PRR16: variants seen among roughly 807,000 people sequenced by gnomAD.
PRR16 encodes protein Largen.
PRR16 carries 6 observed loss-of-function variants against 18.2 expected under a neutral mutation model. That is an observed-to-expected ratio of 0.33 (90% CI 0.18 to 0.65). PRR16 has a LOEUF of 0.65. Ranked by LOEUF, PRR16 falls within the 30% of genes least tolerant of loss-of-function variation. The pLI, the probability that PRR16 is intolerant of heterozygous loss-of-function variation, is 0.74. For synonymous variants in PRR16, 151 were observed against 147.8 expected (o/e 1.02, Z -0.16); for missense variants, 412 against 376.6 (o/e 1.09, Z -0.78).
rs1437061231 is a variant in PRR16 at position 120,614,476 on chromosome 5, A to G, written c.160-71478A>G. Among the ~76,000 whole-genome samples the G allele has an allele frequency of 2.0e-5, 3 of 152,214 alleles. No individual in the cohort carries two copies. The East Asian group carries it at 5.8e-4, about 29-fold the overall frequency. ...GGCCAATGCCAAGCCTAAATTTCAGACATTTTCCTTGTAGTATGGATCATC... is the reference window on the plus strand; with the variant it reads ...GGCCAATGCCAAGCCTAAATTTCAGGCATTTTCCTTGTAGTATGGATCATC... On this transcript the variant is annotated intron_variant, in intron 1 of 1. Transcript: ENST00000407149.
chr5:120,465,427 C>G (rs1749044280), intron 1 of PRR16, among the ~76,000 whole-genome samples: 1 of 152,236 alleles, frequency 6.6e-6, no homozygotes. Context: ...CGTCCTGGCT[C>G]TCTGCAGCTG....
At chr5:120,700,185 C>T in the PRR16 span, among the ~76,000 whole-genome samples, 1 of 152,072 alleles carries the variant, frequency 6.6e-6, no homozygotes, top group African/African-American at 2.4e-5. Flanking sequence ...AGGCGCAGAT[C>T]CTGAACTAAC....
At chr5:120,505,712 G>T (rs1244310166) in intron 1 of PRR16, among the ~76,000 whole-genome samples, 2 of 148,114 alleles carry the variant, frequency 1.4e-5, no homozygotes, top group Non-Finnish European at 2.9e-5. Flanking sequence ...ACCTTCTGTT[G>T]TCCCTTTGTC....
At chr5:120,765,923 G>A in the PRR16 span, among the ~76,000 whole-genome samples, 1 of 151,950 alleles carries the variant, frequency 6.6e-6, no homozygotes, top group South Asian at 2.1e-4. Flanking sequence ...CCATGTTGTT[G>A]CGTGTGGATT....
chr5:120,674,534 C>T (rs1260323935), intron 1 of PRR16, among the ~76,000 whole-genome samples: 1 of 152,174 alleles, frequency 6.6e-6, no homozygotes, highest in African/African-American at 2.4e-5. Context: ...ACTGTCTATT[C>T]CTCCTGAAGA....
chr5:120,496,802 T>G (rs1750259836), intron 1 of PRR16, among the ~76,000 whole-genome samples: 1 of 151,936 alleles, frequency 6.6e-6, no homozygotes, highest in African/African-American at 2.4e-5. Flanking sequence ...GATTATTGAT[T>G]TTAGATTTTT....
the PRR16 span, among the ~76,000 whole-genome samples, chr5:120,740,774 TA>T: frequency 6.6e-6 from 1 of 152,198 alleles, no homozygotes; most frequent in Non-Finnish European, 1.5e-5. Flanking sequence ...CTTGAACATT[TA>T]GATTAACTGA....
intron 1 of PRR16, among the ~76,000 whole-genome samples, chr5:120,534,339 T>G (rs1449055026): frequency 1.3e-5 from 2 of 152,128 alleles, no homozygotes; most frequent in Admixed American, 6.6e-5. Flanking sequence ...TTAAAAGATA[T>G]TATATTTTTC....
intron 1 of PRR16, among the ~76,000 whole-genome samples, chr5:120,585,226 T>C (rs1390099945): frequency 6.6e-6 from 1 of 152,188 alleles, no homozygotes; most frequent in African/African-American, 2.4e-5. Context: ...TTTGAGTCAG[T>C]TGGGCTAACA....
the PRR16 span, among the ~76,000 whole-genome samples, chr5:120,758,917 T>C: frequency 8.6e-5 from 13 of 151,962 alleles, no homozygotes; most frequent in African/African-American, 1.7e-4. Flanking sequence ...TTCTTGCTGA[T>C]ACAAATAGAA....
the PRR16 span, among the ~76,000 whole-genome samples, chr5:120,748,932 A>G: frequency 2.0e-5 from 3 of 152,116 alleles, no homozygotes; most frequent in Admixed American, 6.5e-5. Flanking sequence ...TGTTGTTAGC[A>G]ATTTCTTACA....
At chr5:120,710,216 A>T in the PRR16 span, among the ~76,000 whole-genome samples, 1 of 152,166 alleles carries the variant, frequency 6.6e-6, no homozygotes, top group Non-Finnish European at 1.5e-5. Context: ...TTCCCTGATG[A>T]CTTTGCATTT....
chr5:120,778,801 A>G, the PRR16 span, among the ~76,000 whole-genome samples: 1 of 152,168 alleles, frequency 6.6e-6, no homozygotes, highest in Non-Finnish European at 1.5e-5. Flanking sequence ...TGAAAGCCAG[A>G]GGAAAAAAGA....
At chr5:120,734,167 G>A in the PRR16 span, among the ~76,000 whole-genome samples, 1 of 152,196 alleles carries the variant, frequency 6.6e-6, no homozygotes, top group African/African-American at 2.4e-5. Flanking sequence ...GCCTGAAGCG[G>A]GAGGGCTCCT....
At chr5:120,757,386 ACT>A in the PRR16 span, among the ~76,000 whole-genome samples, 1 of 151,784 alleles carries the variant, frequency 6.6e-6, no homozygotes, top group South Asian at 2.1e-4. Flanking sequence ...AATCGCGTTG[ACT>A]CTGTAGATTG....
intron 1 of PRR16, among the ~76,000 whole-genome samples, chr5:120,543,319 T>C (rs1375183441): frequency 3.3e-5 from 5 of 152,106 alleles, no homozygotes; most frequent in Non-Finnish European, 5.9e-5. Context: ...TTGGTGAGCA[T>C]ATCGTGGGGT....
chr5:120,578,745 T>G (rs1484335229), intron 1 of PRR16, among the ~76,000 whole-genome samples: 1 of 152,184 alleles, frequency 6.6e-6, no homozygotes. Context: ...TGATTTATAT[T>G]CCTTTGGGTA....
chr5:120,664,678 A>G (rs538135121), intron 1 of PRR16, among the ~76,000 whole-genome samples: 49 of 152,010 alleles, frequency 3.2e-4, no homozygotes, highest in African/African-American at 1.2e-3. Flanking sequence ...TCATTGTTCA[A>G]TTCACGTCTA....
chr5:120,727,571 G>A, the PRR16 span, among the ~76,000 whole-genome samples: 4 of 152,054 alleles, frequency 2.6e-5, no homozygotes, highest in Non-Finnish European at 5.9e-5. Context: ...TAAACACTTG[G>A]AAAAATTTCT....
Sources: gnomAD v4.1 joint callset for allele counts (sites outside exome capture counted in the v4.1 genomes callset) on GRCh38, gnomAD v4.1.1 for gene constraint, MANE v1.5 for transcripts, NCBI Gene and HGNC (gene_info 2026-07-23, HGNC 2026-07-21) for gene names.